Variants in ERBB4 observed in about 807,000 individuals in gnomAD.
The protein encoded by ERBB4 is erb-b2 receptor tyrosine kinase 4, also known as receptor tyrosine-protein kinase erbB-4.
In ERBB4, 42 loss-of-function variants were observed where a neutral mutation model predicts 158.0. That is an observed-to-expected ratio of 0.27 (90% CI 0.21 to 0.34). The LOEUF is 0.34. Ranked by LOEUF, ERBB4 falls within the 10% of genes least tolerant of loss-of-function variation. The pLI, the probability that ERBB4 is intolerant of heterozygous loss-of-function variation, is 1.00. For synonymous variants in ERBB4, 583 were observed against 558.7 expected, an observed-to-expected ratio of 1.04 and a Z score of -0.61; for missense variants, 1,333 against 1,624.1, an observed-to-expected ratio of 0.82 and a Z score of 3.08.
chr2:212,527,298 AC>A (rs1158364679), intron 1 of ERBB4, among the ~76,000 whole-genome samples: 1 of 152,202 alleles, frequency 6.6e-6, no homozygotes, highest in African/African-American at 2.4e-5. Flanking sequence ...ATACCCAGGT[AC>A]TTTACAGTGT....
chr2:212,432,388 A>T (rs910842021), intron 1 of ERBB4, among the ~76,000 whole-genome samples: 11 of 152,124 alleles, frequency 7.2e-5, no homozygotes, highest in Non-Finnish European at 4.4e-5. Context: ...AGTTACTTGT[A>T]ATATGATTAA....
At chr2:211,879,126 C>T (rs945939406) in intron 3 of ERBB4, among the ~76,000 whole-genome samples, 2 of 152,060 alleles carry the variant, frequency 1.3e-5, no homozygotes, top group African/African-American at 4.8e-5. Context: ...TATCTACATT[C>T]TTTTCCCCTA....
intron 3 of ERBB4, among the ~76,000 whole-genome samples, chr2:211,944,179 A>ATATATATATATATAGTG (rs1553517871): frequency 1.8e-4 from 1 of 5,412 alleles, no homozygotes; most frequent in East Asian, 8.6e-3. Flanking sequence ...TATATATACT[A>ATATATATATATATAGTG]TATATATATA....
chr2:211,995,707 T>C (rs769921769), intron 2 of ERBB4, among the ~76,000 whole-genome samples: 3 of 152,200 alleles, frequency 2.0e-5, no homozygotes, highest in Non-Finnish European at 4.4e-5. Flanking sequence ...CAACATCTAA[T>C]GCCCCTGACT....
chr2:211,758,120 G>T (rs909085843), intron 4 of ERBB4, among the ~76,000 whole-genome samples: 1 of 152,124 alleles, frequency 6.6e-6, no homozygotes, highest in African/African-American at 2.4e-5. Flanking sequence ...TTGTAAGAAG[G>T]ACTAACAGTT....
intron 3 of ERBB4, among the ~76,000 whole-genome samples, chr2:211,868,096 G>C (rs532873424): frequency 5.3e-5 from 8 of 152,106 alleles, no homozygotes; most frequent in Non-Finnish European, 7.4e-5. Context: ...TTCTCTCTCT[G>C]ATTAGTGTTA....
At chr2:211,584,775 T>A (rs1376993537) in intron 19 of ERBB4, among the ~76,000 whole-genome samples, 1 of 151,756 alleles carries the variant, frequency 6.6e-6, no homozygotes, top group Non-Finnish European at 1.5e-5. Flanking sequence ...AAAAAATATA[T>A]GTATATGTGT....
intron 1 of ERBB4, among the ~76,000 whole-genome samples, chr2:212,357,829 TG>T (rs1194911164): frequency 1.3e-5 from 2 of 151,824 alleles, no homozygotes; most frequent in African/African-American, 2.4e-5. Flanking sequence ...CAGTGTGGTG[TG>T]GGGGGACAAA....
chr2:212,481,196 ATATG>A (rs1296482007), intron 1 of ERBB4, among the ~76,000 whole-genome samples: 1 of 152,004 alleles, frequency 6.6e-6, no homozygotes, highest in Non-Finnish European at 1.5e-5. Context: ...TATATGTTAT[ATATG>A]TAAGTTATAT....
intron 5 of ERBB4, among the ~76,000 whole-genome samples, chr2:211,725,469 G>A (rs2106133892): frequency 6.9e-6 from 1 of 145,702 alleles, no homozygotes; most frequent in South Asian, 2.3e-4. Context: ...TTTGAAGTCA[G>A]GCACAGTGGA....
intron 2 of ERBB4, chr2:211,960,741 C>A (rs2081159858): frequency 6.6e-6 from 1 of 151,920 alleles, no homozygotes; most frequent in African/African-American, 2.4e-5. Context: ...TCTCTAGGTT[C>A]TTTTTTATAG....
chr2:211,689,800 TA>T (rs1040580209), intron 12 of ERBB4, among the ~76,000 whole-genome samples: 10 of 151,964 alleles, frequency 6.6e-5, no homozygotes, highest in African/African-American at 1.9e-4. Flanking sequence ...ATACTCTTGC[TA>T]ATGGGATAAA....
At chr2:212,414,573 G>A (rs2091596544) in intron 1 of ERBB4, among the ~76,000 whole-genome samples, 1 of 152,084 alleles carries the variant, frequency 6.6e-6, no homozygotes, top group Admixed American at 6.5e-5. Context: ...TCCAATCTTA[G>A]TATTTTAAGC....
chr2:212,398,102 A>ATG (rs143581724), intron 1 of ERBB4, among the ~76,000 whole-genome samples: 232 of 149,782 alleles, frequency 1.5e-3, no homozygotes, highest in East Asian at 6.7e-3. Context: ...ATACATATAT[A>ATG]TGTGTGTGTG....
chr2:211,678,011 A>G (rs2072155180), intron 13 of ERBB4, among the ~76,000 whole-genome samples: 2 of 152,312 alleles, frequency 1.3e-5, no homozygotes, highest in Non-Finnish European at 1.5e-5. Flanking sequence ...GATGCATCAA[A>G]TAGTATGTTA....
intron 4 of ERBB4, among the ~76,000 whole-genome samples, chr2:211,752,608 A>G (rs2075167526): frequency 6.6e-6 from 1 of 152,074 alleles, no homozygotes; most frequent in Admixed American, 6.6e-5. Flanking sequence ...AACAAAATTC[A>G]TATTAGACAT....
At chr2:212,527,846 C>A (rs1219634881) in intron 1 of ERBB4, among the ~76,000 whole-genome samples, 1 of 106,670 alleles carries the variant, frequency 9.4e-6, no homozygotes, top group Non-Finnish European at 1.9e-5. Context: ...AATGCTATCC[C>A]TCCCCCCTCC....
chr2:212,135,678 C>T (rs2080250154), intron 1 of ERBB4, among the ~76,000 whole-genome samples: 1 of 152,050 alleles, frequency 6.6e-6, no homozygotes, highest in African/African-American at 2.4e-5. Context: ...TGTAATATTC[C>T]CTTTACCACA....
chr2:211,934,787 G>A (rs1168502413), intron 3 of ERBB4, among the ~76,000 whole-genome samples: 2 of 151,770 alleles, frequency 1.3e-5, no homozygotes, highest in Non-Finnish European at 2.9e-5. Context: ...CCCTGTGTCT[G>A]TAGAAATAAG....
Sources: allele counts gnomAD v4.1 joint callset (sites outside exome capture counted in the v4.1 genomes callset), GRCh38; gene constraint gnomAD v4.1.1; transcripts MANE v1.5; gene names NCBI Gene and HGNC (gene_info 2026-07-23, HGNC 2026-07-21).